The following MON2 variants were observed in gnomAD, a reference collection of about 807,000 sequenced individuals.
MON2 encodes MON2 regulator of endosome-to-Golgi trafficking.
Under a neutral mutation model 208.6 loss-of-function variants are expected in MON2, and 84 were observed. That is an observed-to-expected ratio of 0.40 (90% CI 0.34 to 0.48). The LOEUF is 0.48. Among genes scored for constraint, MON2 ranks in the 20% least tolerant of loss-of-function variants. MON2 has a pLI of 0.59. For missense variants in MON2, 1,611 were observed against 2,015.4 expected (o/e 0.80, Z 3.84); for synonymous variants, 660 against 694.0 (o/e 0.95, Z 0.77).
intron 29 of MON2, among the ~76,000 whole-genome samples, chr12:62,569,738 A>G (rs185484283): frequency 5.3e-4 from 81 of 152,272 alleles, no homozygotes; most frequent in Non-Finnish European, 1.0e-3. Context: ...CTGAATTCCC[A>G]AACTGGAAGT....
intron 16 of MON2, 71 bp from the exon 17 acceptor site, chr12:62,538,025 T>A (rs2073061760): frequency 2.1e-6 from 3 of 1,398,394 alleles, no homozygotes; most frequent in Non-Finnish European, 9.8e-7. Flanking sequence ...TACTACTGAT[T>A]TTAATTTTAG....
rs1300269002 is a variant in MON2, at chr12:62,592,761, A to G, written c.*12A>G. On this transcript the variant is annotated 3_prime_UTR_variant, in exon 35 of 35. Coordinates refer to ENST00000393630, the MANE Select transcript of MON2 (RefSeq NM_015026.3). ...ATGGAGAATCTTGACCGGCTACAAT[A>G]TATTTGAAAGCAGGAAGATAGTCTA... is the stretch of plus-strand genomic sequence containing the variant. 26 of 1,560,436 alleles carry G rather than the reference A, an allele frequency of 1.7e-5. No homozygotes were observed. The highest frequency in any genetic ancestry group is 2.1e-5 in the Non-Finnish European group (24 of 1,141,188).
At chr12:62,588,938 T>C (rs1311623102) in intron 34 of MON2, 1 of 1,383,120 alleles carries the variant, frequency 7.2e-7, no homozygotes, top group South Asian at 1.4e-5. Flanking sequence ...TTCTTTTCAT[T>C]GAATGCAAAG....
At chr12:62,489,986 T>C in intron 2 of MON2, 1 of 1,109,968 alleles carries the variant, frequency 9.0e-7, no homozygotes, top group Non-Finnish European at 1.2e-6. Context: ...TTATTACACC[T>C]GTTAATATGA....
intron 23 of MON2, among the ~76,000 whole-genome samples, chr12:62,552,634 T>G (rs1430645236): frequency 6.6e-6 from 1 of 152,010 alleles, no homozygotes; most frequent in Non-Finnish European, 1.5e-5. Flanking sequence ...TTCTTGACAT[T>G]TTTTATAATA....
intron 8 of MON2, among the ~76,000 whole-genome samples, chr12:62,515,769 C>G (rs1461063746): frequency 8.0e-5 from 12 of 150,738 alleles, no homozygotes; most frequent in African/African-American, 2.9e-4. Context: ...GAACCGAGAT[C>G]ACACAATTGC....
intron 25 of MON2, among the ~76,000 whole-genome samples, chr12:62,557,962 A>ATATATATATATATATTT (rs1364201663): frequency 4.8e-5 from 1 of 20,868 alleles, no homozygotes. Flanking sequence ...ATATATATAT[A>ATATATATATATATATTT]TTTTTTTTTT....
chr12:62,558,355 ATT>A (rs2074075144), intron 25 of MON2, among the ~76,000 whole-genome samples: 1 of 152,062 alleles, frequency 6.6e-6, no homozygotes, highest in Non-Finnish European at 1.5e-5. Flanking sequence ...AAGAAATGAT[ATT>A]TGTTATTTTA....
intron 1 of MON2, among the ~76,000 whole-genome samples, chr12:62,480,161 G>A (rs909081818): frequency 3.9e-5 from 6 of 152,144 alleles, no homozygotes; most frequent in African/African-American, 1.4e-4. Flanking sequence ...TATGTGATAG[G>A]TCTAATTATA....
chr12:62,592,831 CT>C lies in MON2; in HGVS notation c.*84del. ...TGAGTCTTCTGTGAGAAGGACATTT[CT>C]TACTGCAGATAATTCTTGGCAGCTG... On this transcript the variant is annotated 3_prime_UTR_variant, in exon 35 of 35. Coordinates refer to ENST00000393630, the MANE Select transcript of MON2 (RefSeq NM_015026.3). 2 of 1,350,340 alleles carry C rather than the reference CT, an allele frequency of 1.5e-6. No homozygotes were observed. The highest frequency in any genetic ancestry group is 2.0e-6 in the Non-Finnish European group (2 of 998,620). The allele number at this position is 1,350,340 out of a possible 1,614,324, so 83.6% of individuals were successfully genotyped here.
intron 33 of MON2, among the ~76,000 whole-genome samples, chr12:62,586,866 AC>A (rs1409962992): frequency 6.6e-6 from 1 of 152,096 alleles, no homozygotes; most frequent in African/African-American, 2.4e-5. Context: ...TTTAACTACT[AC>A]CTTTAAATTG....
chr12:62,539,544 G>C (rs1406091809), intron 19 of MON2, among the ~76,000 whole-genome samples: 1 of 151,946 alleles, frequency 6.6e-6, no homozygotes, highest in East Asian at 1.9e-4. Context: ...TGGGATTACA[G>C]GCATGAGCCA....
chr12:62,582,775 T>C (rs1182244146), intron 32 of MON2, among the ~76,000 whole-genome samples: 1 of 152,158 alleles, frequency 6.6e-6, no homozygotes, highest in African/African-American at 2.4e-5. Context: ...AAACTTTTAT[T>C]TGCTAAACAA....
intron 8 of MON2, among the ~76,000 whole-genome samples, chr12:62,521,310 G>A (rs1036327894): frequency 6.6e-5 from 10 of 152,042 alleles, no homozygotes; most frequent in African/African-American, 1.9e-4. Flanking sequence ...TGCCCGGCCC[G>A]TTTATTATGG....
intron 7 of MON2, among the ~76,000 whole-genome samples, chr12:62,507,155 A>G (rs985236477): frequency 5.5e-3 from 2 of 366 alleles, no homozygotes; most frequent in Non-Finnish European, 0.016. Context: ...TAATTATTAA[A>G]TCTTCTGCAT....
At chr12:62,580,862 T>C (rs2074979424) in intron 32 of MON2, among the ~76,000 whole-genome samples, 1 of 152,182 alleles carries the variant, frequency 6.6e-6, no homozygotes, top group African/African-American at 2.4e-5. Context: ...AGTCTCAGTT[T>C]TGTAATCTTT....
intron 29 of MON2, among the ~76,000 whole-genome samples, chr12:62,568,659 C>T (rs557283226): frequency 3.3e-5 from 5 of 152,082 alleles, no homozygotes; most frequent in Admixed American, 3.3e-4. Flanking sequence ...TATATGTATA[C>T]ATCTTTTTTC....
chr12:62,549,798 C>T lies in MON2; in HGVS notation c.2884C>T (p.Leu962Phe). The T allele has an allele frequency of 1.2e-6, 2 of 1,608,446 alleles. No individual in the cohort carries two copies. Among genetic ancestry groups the T allele is most frequent in the South Asian group, 2.2e-5 (2 of 90,038 alleles). ...TAGCTTTGGCCTCCATAACCAAGAA[C>T]TCAATATTAGTTTAACTTCAATAGG... ...AGSFGLHNQE[L>F]NISLTSIGLL... Residue 962 changes from leucine to phenylalanine, a missense_variant, in exon 23 of 35, where the codon CTC becomes TTC. Transcript: ENST00000393630.
intron 8 of MON2, among the ~76,000 whole-genome samples, chr12:62,511,671 A>G (rs2071405327): frequency 6.6e-6 from 1 of 152,224 alleles, no homozygotes; most frequent in African/African-American, 2.4e-5. Flanking sequence ...AAAAGAAAAC[A>G]TAGGGGAAAA....
Sources: gnomAD v4.1 joint callset for allele counts (sites outside exome capture counted in the v4.1 genomes callset) on GRCh38, gnomAD v4.1.1 for gene constraint, MANE v1.5 for transcripts, NCBI Gene and HGNC (gene_info 2026-07-23, HGNC 2026-07-21) for gene names.